Variants in CD40LG observed in about 807,000 individuals in gnomAD.
The protein encoded by CD40LG is CD40 antigen ligand.
In CD40LG, 1 loss-of-function variant was observed where a neutral mutation model predicts 17.2. The ratio of observed to expected loss-of-function variants is 0.06; its 90% CI spans 0.02 to 0.28. The LOEUF (loss-of-function observed/expected upper bound fraction) is 0.28. Ranked by LOEUF, CD40LG falls within the 10% of genes least tolerant of loss-of-function variation. CD40LG has a pLI of 1.00. For synonymous variants in CD40LG, 66 were observed against 74.4 expected (o/e 0.89, Z 0.58); for missense variants, 133 against 193.2 (o/e 0.69, Z 1.85).
rs932894844 is a variant in CD40LG, at chrX:136,659,641, C to G, written c.*226C>G. 10 of 414,818 alleles carry G rather than the reference C, an allele frequency of 2.4e-5. No homozygotes were observed. The highest frequency in any genetic ancestry group is 4.2e-5 in the Non-Finnish European group (10 of 240,626). The allele number at this position is 414,818 out of a possible 1,213,427, so 34.2% of individuals were successfully genotyped here. On this transcript the variant is annotated 3_prime_UTR_variant, in exon 5 of 5. Transcript: ENST00000370629. ...TCCATAAGAGCTTATATATCTGAAG[C>G]AGCAACCCCACTGATGCAGACATCC...
chrX:136,648,389 T>C lies in CD40LG; in HGVS notation c.141T>C (p.His47=). Reference sequence around the variant, plus strand: ...CAGCACTTTTTGCTGTGTATCTTCATAGAAGGTTGGACAAGGTAAGATGAA... The same window carrying C: ...CAGCACTTTTTGCTGTGTATCTTCACAGAAGGTTGGACAAGGTAAGATGAA... ...IGSALFAVYL[H]RRLDKIEDER... is the part of the protein sequence containing the mutation. The change falls in exon 1 of 5, where the codon CAT becomes CAC. Residue 47 remains histidine (H), a synonymous_variant. Transcript: ENST00000370629. The C allele has an allele frequency of 8.3e-7, 1 of 1,210,327 alleles. No homozygotes were observed. Among genetic ancestry groups the C allele is most frequent in the Non-Finnish European group, 1.1e-6 (1 of 893,960 alleles).
chrX:136,650,460 G>A, intron 2 of CD40LG, 63 bp downstream of exon 2: 1 of 1,025,635 alleles, frequency 9.8e-7, no homozygotes, highest in Non-Finnish European at 1.4e-6. Context: ...GCTAGATCGG[G>A]AAACTGACAA....
chrX:136,652,994 G>A (rs776782317), intron 2 of CD40LG, among the ~76,000 whole-genome samples: 3 of 110,831 alleles, frequency 2.7e-5, no homozygotes, highest in East Asian at 5.6e-4. Flanking sequence ...GAAAGTTCAC[G>A]GAAAGGCTAG....
chrX:136,658,187 T>A (rs1253946902), intron 4 of CD40LG, among the ~76,000 whole-genome samples: 2 of 111,603 alleles, frequency 1.8e-5, no homozygotes, highest in African/African-American at 6.5e-5. Flanking sequence ...AATTATTTTT[T>A]AAAAAGCTCA....
intron 2 of CD40LG, among the ~76,000 whole-genome samples, chrX:136,652,981 G>A (rs2076108481): frequency 1.8e-5 from 2 of 110,873 alleles, no homozygotes; most frequent in Non-Finnish European, 3.8e-5. Flanking sequence ...AGTGTGGTTG[G>A]GCGAAAGTTC....
chrX:136,653,067 C>T (rs1352719514), intron 2 of CD40LG, among the ~76,000 whole-genome samples: 1 of 112,136 alleles, frequency 8.9e-6, no homozygotes, highest in East Asian at 2.8e-4. Flanking sequence ...GGCCTCAACA[C>T]CAATGCAACA....
chrX:136,659,620 T>C lies in CD40LG; in HGVS notation c.*205T>C. ...TGAAACCAAAACGGGCCCTGCTCCA[T>C]AAGAGCTTATATATCTGAAGCAGCA... On this transcript the variant is annotated 3_prime_UTR_variant, in exon 5 of 5. Coordinates refer to ENST00000370629, the MANE Select transcript of CD40LG (RefSeq NM_000074.3). 2.3e-6 allele frequency: 1 copy of C among 431,608 alleles called. No homozygotes were observed. Among genetic ancestry groups the C allele is most frequent in the Non-Finnish European group, 4.0e-6 (1 of 251,055 alleles). 35.6% of individuals were successfully genotyped at this position (431,608 alleles called of 1,213,427 possible). A position where few individuals can be genotyped will look rare whatever the true frequency, so the allele number is the denominator to read the frequency against.
At chrX:136,650,426 T>C in intron 2 of CD40LG, 29 bp downstream of exon 2, 1 of 1,188,101 alleles carries the variant, frequency 8.4e-7, no homozygotes, top group Non-Finnish European at 1.1e-6. Context: ...GGTAAAAGTG[T>C]CATTGAAATA....
intron 2 of CD40LG, among the ~76,000 whole-genome samples, chrX:136,654,109 C>A (rs756546379): frequency 7.2e-5 from 8 of 111,788 alleles, no homozygotes; most frequent in African/African-American, 1.6e-4. Context: ...AGCCTCTGGT[C>A]TGGAGAGAGC....
intron 2 of CD40LG, 101 bp from the exon 3 acceptor site, chrX:136,654,272 A>G (rs998034915): frequency 1.6e-6 from 1 of 625,273 alleles, no homozygotes; most frequent in African/African-American, 2.2e-5. Context: ...CTCACCAGAA[A>G]CAGACAACAG....
At chrX:136,650,638 T>C (rs1037265458) in intron 2 of CD40LG, among the ~76,000 whole-genome samples, 2 of 110,012 alleles carry the variant, frequency 1.8e-5, no homozygotes, top group Admixed American at 1.9e-4. Flanking sequence ...GTCACACATA[T>C]TTGTCAGCTT....
At chrX:136,651,019 T>G (rs1434802924) in intron 2 of CD40LG, among the ~76,000 whole-genome samples, 4 of 111,775 alleles carry the variant, frequency 3.6e-5, no homozygotes, top group Non-Finnish European at 5.6e-5. Context: ...TGGCCGGTCA[T>G]GACCAGAGGC....
At chrX:136,657,240 G>A (rs1174781893) in intron 4 of CD40LG, among the ~76,000 whole-genome samples, 2 of 111,770 alleles carry the variant, frequency 1.8e-5, no homozygotes. Flanking sequence ...GAGATGGACA[G>A]AGAGAGAAAA....
intron 4 of CD40LG, among the ~76,000 whole-genome samples, chrX:136,657,317 T>C (rs2076122071): frequency 9.0e-6 from 1 of 111,705 alleles, no homozygotes; most frequent in Admixed American, 9.5e-5. Flanking sequence ...ACAGTTATCA[T>C]TATCATGGAT....
chrX:136,653,769 G>T, intron 2 of CD40LG, among the ~76,000 whole-genome samples: 1 of 112,195 alleles, frequency 8.9e-6, no homozygotes, highest in Non-Finnish European at 1.9e-5. Context: ...ATTGGGAGAT[G>T]GCCTGTGTTT....
In CD40LG at chrX:136,648,243, C is replaced by T. The variant is rs371664032; in HGVS notation, c.-6C>T. The T allele has an allele frequency of 1.2e-4, 145 of 1,195,574 alleles. No individual in the cohort carries two copies. The highest frequency in any genetic ancestry group is 1.6e-4 in the Non-Finnish European group (141 of 882,858). ...CCAGAAGATACCATTTCAACTTTAA[C>T]ACAGCATGATCGAAACATACAACCA... On this transcript the variant is annotated 5_prime_UTR_variant, in exon 1 of 5. Coordinates refer to ENST00000370629, the MANE Select transcript of CD40LG (RefSeq NM_000074.3).
At chrX:136,655,245 C>T (rs1018291230) in intron 3 of CD40LG, among the ~76,000 whole-genome samples, 17 of 111,539 alleles carry the variant, frequency 1.5e-4, no homozygotes, top group African/African-American at 5.5e-4. Flanking sequence ...GTGGCCAAGC[C>T]TTGACTGAGC....
At chrX:136,652,487 C>T in intron 2 of CD40LG, among the ~76,000 whole-genome samples, 1 of 111,569 alleles carries the variant, frequency 9.0e-6, no homozygotes. Context: ...GTCTTTGAAT[C>T]AGGTCTTGAT....
intron 2 of CD40LG, among the ~76,000 whole-genome samples, chrX:136,651,943 G>A (rs992799275): frequency 9.0e-6 from 1 of 111,247 alleles, no homozygotes; most frequent in African/African-American, 3.3e-5. Flanking sequence ...AGACTTTTAC[G>A]GTTGAATTGT....
Sources: allele counts gnomAD v4.1 joint callset (sites outside exome capture counted in the v4.1 genomes callset), GRCh38; gene constraint gnomAD v4.1.1; transcripts MANE v1.5; gene names NCBI Gene and HGNC (gene_info 2026-07-23, HGNC 2026-07-21).